The following RNF130 variants were observed in gnomAD, a reference collection of about 807,000 sequenced individuals.
RNF130 encodes E3 ubiquitin-protein ligase RNF130.
A neutral mutation model predicts 44.6 loss-of-function variants in RNF130; 21 were observed. The ratio of observed to expected loss-of-function variants is 0.47; its 90% CI spans 0.33 to 0.68. The LOEUF (loss-of-function observed/expected upper bound fraction) is 0.68. Among genes scored for constraint, RNF130 ranks in the 30% least tolerant of loss-of-function variants. The pLI is 0.02. For missense variants in RNF130, 479 were observed against 560.6 expected (o/e 0.85, Z 1.47); for synonymous variants, 214 against 210.4 (o/e 1.02, Z -0.15).
chr5:179,972,313 G>A (rs551503551), intron 5 of RNF130, among the ~76,000 whole-genome samples: 3 of 152,324 alleles, frequency 2.0e-5, no homozygotes, highest in South Asian at 2.1e-4. Context: ...TCACGGGGAC[G>A]CAAATGCCTA....
At chr5:180,048,709 A>C (rs992850059) in intron 1 of RNF130, among the ~76,000 whole-genome samples, 8 of 152,194 alleles carry the variant, frequency 5.3e-5, no homozygotes, top group African/African-American at 1.7e-4. Flanking sequence ...TCAGCACCTC[A>C]GCAGTGTCAC....
chr5:180,047,932 G>A (rs1229778715), intron 1 of RNF130, among the ~76,000 whole-genome samples: 1 of 151,248 alleles, frequency 6.6e-6, no homozygotes, highest in Middle Eastern at 3.5e-3. Context: ...TGACGCTCCC[G>A]AGTACTCTGC....
At chr5:179,943,434 A>C (rs1485934865) in intron 7 of RNF130, among the ~76,000 whole-genome samples, 1 of 152,104 alleles carries the variant, frequency 6.6e-6, no homozygotes, top group Non-Finnish European at 1.5e-5. Flanking sequence ...CTACCTTCCA[A>C]CCTTTTTTAC....
intron 7 of RNF130, among the ~76,000 whole-genome samples, chr5:179,937,943 A>G (rs902661910): frequency 6.7e-6 from 1 of 149,444 alleles, no homozygotes; most frequent in African/African-American, 2.5e-5. Flanking sequence ...TGAGAGAGAG[A>G]GAGAGAGAGA....
chr5:180,003,092 C>G (rs1409579631), intron 3 of RNF130, among the ~76,000 whole-genome samples: 1 of 152,042 alleles, frequency 6.6e-6, no homozygotes, highest in Non-Finnish European at 1.5e-5. Flanking sequence ...GGTAGGGTCT[C>G]TAATATTTCA....
chr5:180,017,670 GC>G (rs967740815), intron 2 of RNF130, among the ~76,000 whole-genome samples: 7 of 151,908 alleles, frequency 4.6e-5, no homozygotes, highest in Admixed American at 1.3e-4. Flanking sequence ...TCGGAAAAGA[GC>G]CCCCCATCCC....
intron 1 of RNF130, among the ~76,000 whole-genome samples, chr5:180,065,524 G>A (rs1464605010): frequency 6.6e-6 from 1 of 152,150 alleles, no homozygotes; most frequent in East Asian, 1.9e-4. Context: ...ACTTTGGGAG[G>A]CCGAGACAGG....
At chr5:179,981,776 G>C (rs1762846752) in intron 3 of RNF130, among the ~76,000 whole-genome samples, 1 of 152,188 alleles carries the variant, frequency 6.6e-6, no homozygotes, top group African/African-American at 2.4e-5. Context: ...TGGCTTGTTT[G>C]AATCAAGATA....
intron 7 of RNF130, among the ~76,000 whole-genome samples, chr5:179,939,131 C>T (rs1444293779): frequency 6.6e-6 from 1 of 152,046 alleles, no homozygotes; most frequent in Non-Finnish European, 1.5e-5. Flanking sequence ...GCAGGAGAAT[C>T]GCTTGAACTC....
At chr5:180,063,455 A>G (rs961191370) in intron 1 of RNF130, among the ~76,000 whole-genome samples, 30 of 152,192 alleles carry the variant, frequency 2.0e-4, no homozygotes, top group African/African-American at 7.0e-4. Context: ...GAGCAGTGGT[A>G]GCAGATAGGG....
chr5:179,982,135 G>A lies in RNF130; in HGVS notation c.694-1935C>T, dbSNP rs545250215. Among the ~76,000 whole-genome samples the A allele has an allele frequency of 7.9e-5, 12 of 151,926 alleles. No individual in the cohort carries two copies. The East Asian group carries it at 2.1e-3, about 27-fold the overall frequency. On this transcript the variant is annotated intron_variant, in intron 3 of 8. Transcript: ENST00000521389. ...GCAACATCATGAGTTTTACATAAAT[G>A]GAATAGATACAGTATGTACTACTGT...
intron 7 of RNF130, among the ~76,000 whole-genome samples, chr5:179,929,356 G>A (rs1397476942): frequency 6.6e-6 from 1 of 152,156 alleles, no homozygotes; most frequent in South Asian, 2.1e-4. Flanking sequence ...AATTACTGTG[G>A]CTTTGTCAAA....
In RNF130 at chr5:180,055,279, AAC is replaced by A. The variant is rs1242577259; in HGVS notation, c.248-14634_248-14633del. Among the ~76,000 whole-genome samples, 16 of 17,470 alleles carry A rather than the reference AAC, an allele frequency of 9.2e-4. 1 individual carries two copies. Among genetic ancestry groups the A allele is most frequent in the African/African-American group, 1.9e-3 (9 of 4,700 alleles). The allele number at this position is 17,470 out of a possible 152,430, so 11.5% of individuals were successfully genotyped here. ...AAAAAAAAAAAAAAAAAAAAAAAAAAACAAAAAAAAACAGCAAACAAACAAAA... is the reference window on the plus strand; with the variant it reads ...AAAAAAAAAAAAAAAAAAAAAAAAAAAAAAAAAAACAGCAAACAAACAAAA... On this transcript the variant is annotated intron_variant, in intron 1 of 8. Coordinates refer to ENST00000521389, the MANE Select transcript of RNF130 (RefSeq NM_018434.6).
chr5:179,921,226 C>A (rs1490369108), intron 7 of RNF130, among the ~76,000 whole-genome samples: 1 of 152,160 alleles, frequency 6.6e-6, no homozygotes, highest in Non-Finnish European at 1.5e-5. Flanking sequence ...AGATAACGAA[C>A]ATATCCATTA....
intron 3 of RNF130, among the ~76,000 whole-genome samples, chr5:180,010,020 G>A (rs1160495801): frequency 1.3e-5 from 2 of 152,072 alleles, no homozygotes; most frequent in South Asian, 2.1e-4. Context: ...GGCTGAGGTG[G>A]GCGGATCACA....
intron 2 of RNF130, among the ~76,000 whole-genome samples, chr5:180,014,896 G>T (rs897262776): frequency 1.3e-5 from 2 of 152,146 alleles, no homozygotes; most frequent in Non-Finnish European, 2.9e-5. Context: ...TGAGGTGGGA[G>T]GATCACTGGA....
chr5:180,047,931 C>T (rs1353307602), intron 1 of RNF130, among the ~76,000 whole-genome samples: 3 of 151,912 alleles, frequency 2.0e-5, no homozygotes, highest in African/African-American at 4.8e-5. Flanking sequence ...CTGACGCTCC[C>T]GAGTACTCTG....
chr5:180,007,766 CCTT>C (rs989435757), intron 3 of RNF130, among the ~76,000 whole-genome samples: 7 of 152,080 alleles, frequency 4.6e-5, no homozygotes, highest in African/African-American at 1.7e-4. Context: ...TATGTTTCCT[CCTT>C]CATCAGCCCC....
chr5:179,920,447 A>G (rs1320813107), intron 7 of RNF130: 1 of 702,094 alleles, frequency 1.4e-6, no homozygotes, highest in Non-Finnish European at 2.6e-6. Context: ...AAGAAGAGAA[A>G]GAGACTTAAT....
Sources: allele counts gnomAD v4.1 joint callset (sites outside exome capture counted in the v4.1 genomes callset), GRCh38; gene constraint gnomAD v4.1.1; transcripts MANE v1.5; gene names NCBI Gene and HGNC (gene_info 2026-07-23, HGNC 2026-07-21).